The following TBC1D32 variants were observed in gnomAD, a reference collection of about 807,000 sequenced individuals.
The protein encoded by TBC1D32 is protein broad-minded.
In TBC1D32, 151 loss-of-function variants were observed where a neutral mutation model predicts 170.3. That is an observed-to-expected ratio of 0.89 (90% CI 0.78 to 1.01). The LOEUF is 1.01. Among genes scored for constraint, TBC1D32 ranks in the 50% least tolerant of loss-of-function variants. The pLI, the probability that TBC1D32 is intolerant of heterozygous loss-of-function variation, is 0.00. For missense variants in TBC1D32, 1,464 were observed against 1,457.1 expected (o/e 1.00, Z -0.08); for synonymous variants, 498 against 488.0 (o/e 1.02, Z -0.27).
chr6:121,302,693 A>G (rs1201391436), intron 9 of TBC1D32, among the ~76,000 whole-genome samples: 1 of 152,154 alleles, frequency 6.6e-6, no homozygotes, highest in Admixed American at 6.5e-5. Flanking sequence ...TTCTCAAATA[A>G]TGATATAATT....
chr6:121,119,482 A>C (rs748124254), intron 26 of TBC1D32, among the ~76,000 whole-genome samples: 4 of 152,150 alleles, frequency 2.6e-5, no homozygotes, highest in Non-Finnish European at 4.4e-5. Context: ...AAGGTGAAAC[A>C]AGCAAAATGT....
chr6:121,168,933 G>A (rs901871163), intron 22 of TBC1D32, among the ~76,000 whole-genome samples: 6 of 151,854 alleles, frequency 4.0e-5, no homozygotes, highest in Admixed American at 2.6e-4. Context: ...ACAAACAAAT[G>A]GAAAAACATT....
chr6:121,124,129 A>T (rs1444236833), intron 26 of TBC1D32, among the ~76,000 whole-genome samples: 1 of 152,106 alleles, frequency 6.6e-6, no homozygotes, highest in Admixed American at 6.6e-5. Flanking sequence ...TTAACATACC[A>T]TGACTAAATA....
At chr6:121,152,436 T>A (rs926523711) in intron 24 of TBC1D32, among the ~76,000 whole-genome samples, 11 of 152,192 alleles carry the variant, frequency 7.2e-5, no homozygotes, top group Non-Finnish European at 1.5e-4. Context: ...TAAAATTTTT[T>A]CCTTTATTTC....
intron 15 of TBC1D32, among the ~76,000 whole-genome samples, chr6:121,259,037 A>C (rs1400266289): frequency 2.0e-5 from 3 of 151,948 alleles, no homozygotes; most frequent in Non-Finnish European, 4.4e-5. Context: ...GTGGTTCATG[A>C]CTGTAATCCC....
In TBC1D32 at chr6:121,242,221, G is replaced by T. The variant is rs768618779; in HGVS notation, c.2137C>A (p.Arg713=). 6.2e-7 allele frequency: 1 copy of T among 1,609,862 alleles called. No individual in the cohort carries two copies. Among genetic ancestry groups the T allele is most frequent in the South Asian group, 1.1e-5 (1 of 90,158 alleles). ...CATACCTGTAATTTTTTTGCATATC[G>T]ATTGAATATAAATGTCACACATTCA... The part of the protein sequence containing the change: ...INECVTFIFN[R]YAKKLQVSRH... Residue 713 remains arginine (R), a synonymous_variant, in exon 18 of 32, where the codon CGA becomes AGA. Coordinates refer to ENST00000398212, the MANE Select transcript of TBC1D32 (RefSeq NM_152730.6).
At chr6:121,124,972 A>C (rs76178721) in intron 26 of TBC1D32, among the ~76,000 whole-genome samples, 3,761 of 152,258 alleles carry the variant, frequency 0.025, 166 homozygotes, top group East Asian at 0.13. Context: ...CTTCCTTAAA[A>C]CAATTTAGAA....
At chr6:121,279,728 G>A (rs1198178541) in intron 14 of TBC1D32, among the ~76,000 whole-genome samples, 2 of 151,852 alleles carry the variant, frequency 1.3e-5, no homozygotes, top group Admixed American at 6.6e-5. Flanking sequence ...TGGTCAATAG[G>A]CAATAATGTC....
intron 30 of TBC1D32, among the ~76,000 whole-genome samples, chr6:121,091,398 G>T (rs1776783333): frequency 6.7e-6 from 1 of 149,076 alleles, no homozygotes; most frequent in Non-Finnish European, 1.5e-5. Context: ...AGAGATGGGA[G>T]TTTTTTTTTT....
chr6:121,104,338 T>C (rs545783329), intron 30 of TBC1D32, among the ~76,000 whole-genome samples: 1 of 151,784 alleles, frequency 6.6e-6, no homozygotes, highest in Admixed American at 6.6e-5. Flanking sequence ...TATAATTTAA[T>C]TAAAAGAAAT....
At chr6:121,333,873 C>T (rs1371693513) in intron 1 of TBC1D32, among the ~76,000 whole-genome samples, 3 of 151,952 alleles carry the variant, frequency 2.0e-5, no homozygotes, top group African/African-American at 7.3e-5. Flanking sequence ...TCGAGACCAA[C>T]CTAGCCCACA....
chr6:121,261,802 G>T (rs1799803304), intron 15 of TBC1D32, among the ~76,000 whole-genome samples: 1 of 152,136 alleles, frequency 6.6e-6, no homozygotes, highest in Admixed American at 6.6e-5. Flanking sequence ...GACAGAAGTG[G>T]GCTTCAGAAG....
chr6:121,096,893 C>G (rs1777480980), intron 30 of TBC1D32, among the ~76,000 whole-genome samples: 1 of 152,110 alleles, frequency 6.6e-6, no homozygotes, highest in African/African-American at 2.4e-5. Flanking sequence ...AATAACACCA[C>G]ACATCTACAA....
chr6:121,325,900 T>A (rs1810399221), intron 1 of TBC1D32, among the ~76,000 whole-genome samples: 1 of 152,068 alleles, frequency 6.6e-6, no homozygotes, highest in Non-Finnish European at 1.5e-5. Context: ...ATATCCAGAA[T>A]CTACAAAGAA....
At chr6:121,228,771 T>C (rs1169001983) in intron 20 of TBC1D32, among the ~76,000 whole-genome samples, 2 of 152,132 alleles carry the variant, frequency 1.3e-5, no homozygotes, top group Admixed American at 6.6e-5. Flanking sequence ...ATAGTGGTAT[T>C]CATATCATGT....
intron 22 of TBC1D32, among the ~76,000 whole-genome samples, chr6:121,190,078 ACACACACAC>A (rs1562834162): frequency 0.069 from 1,936 of 28,150 alleles, 88 homozygotes; most frequent in African/African-American, 0.15. Context: ...ATACAGACAC[ACACACACAC>A]ACACACACAC....
At chr6:121,258,373 A>G (rs1007572488) in intron 15 of TBC1D32, among the ~76,000 whole-genome samples, 1 of 151,970 alleles carries the variant, frequency 6.6e-6, no homozygotes, top group Non-Finnish European at 1.5e-5. Flanking sequence ...AACTCGATTG[A>G]TATTTAAACT....
chr6:121,132,203 T>C (rs1041909140), intron 24 of TBC1D32, among the ~76,000 whole-genome samples: 1 of 151,992 alleles, frequency 6.6e-6, no homozygotes, highest in African/African-American at 2.4e-5. Flanking sequence ...CAATCATTTA[T>C]TCATCTTGGA....
At chr6:121,210,867 T>C (rs1449613821) in intron 21 of TBC1D32, among the ~76,000 whole-genome samples, 1 of 152,160 alleles carries the variant, frequency 6.6e-6, no homozygotes, top group Non-Finnish European at 1.5e-5. Flanking sequence ...AAGAAGTCCC[T>C]AGCTAACAGC....
Sources: allele counts gnomAD v4.1 joint callset (sites outside exome capture counted in the v4.1 genomes callset), GRCh38; gene constraint gnomAD v4.1.1; transcripts MANE v1.5; gene names NCBI Gene and HGNC (gene_info 2026-07-23, HGNC 2026-07-21).